The following ZNF778 variants were observed in gnomAD, a reference collection of about 807,000 sequenced individuals.
ZNF778 encodes zinc finger protein 778.
Under a neutral mutation model 23.9 loss-of-function variants are expected in ZNF778, and 37 were observed. The ratio of observed to expected loss-of-function variants is 1.54; its 90% CI spans 1.19 to 2.03. The LOEUF is 2.03. ZNF778 is among the 30% of genes most tolerant of loss of function. ZNF778 has a pLI of 0.00. For missense variants in ZNF778, 1,297 were observed against 934.4 expected (o/e 1.39, Z -5.06); for synonymous variants, 483 against 343.9 (o/e 1.40, Z -4.48).
In ZNF778 at chr16:89,234,182, C is replaced by T. The variant is rs532075184; in HGVS notation, c.*5620C>T. 2.1e-4 allele frequency: 80 copies of T among 387,708 alleles called. No individual in the cohort carries two copies. Among genetic ancestry groups the T allele is most frequent in the African/African-American group, 1.5e-3 (73 of 48,108 alleles). The allele number at this position is 387,708 out of a possible 1,614,324, so 24.0% of individuals were successfully genotyped here. On this transcript the variant is annotated 3_prime_UTR_variant, in exon 7 of 7. Coordinates refer to ENST00000433976, the MANE Select transcript of ZNF778 (RefSeq NM_001201407.2). Reference sequence around the variant, plus strand: ...TCACTCACTCACCTTGACGAGTCCGCGTCTAGGCCCCACCAGTGGTGTGGT... The same window carrying T: ...TCACTCACTCACCTTGACGAGTCCGTGTCTAGGCCCCACCAGTGGTGTGGT...
At chr16:89,218,794 A>T (rs1567493594) in intron 1 of ZNF778, among the ~76,000 whole-genome samples, 3 of 148,938 alleles carry the variant, frequency 2.0e-5, no homozygotes, top group African/African-American at 7.5e-5. Flanking sequence ...CCGTCTCAAA[A>T]AATAATAATA....
In ZNF778 at chr16:89,228,103, C is replaced by T. The variant is rs28638280; in HGVS notation, c.1815C>T (p.Thr605=). The T allele has an allele frequency of 0.9, 1,452,539 of 1,613,858 alleles. 660,174 individuals are homozygous for T. Among genetic ancestry groups the T allele is most frequent in the Non-Finnish European group, 0.93 (1,098,170 of 1,179,900 alleles). ...CATTCACTGTTTCTTCGAGCCTAAC[C>T]GAGCACATACGAACTCACACTGGAG... ...GKTFTVSSSL[T]EHIRTHTGEK... Residue 605 remains threonine (T), a synonymous_variant, in exon 7 of 7, where the codon ACC becomes ACT. Coordinates refer to ENST00000433976, the MANE Select transcript of ZNF778 (RefSeq NM_001201407.2).
chr16:89,225,357 C>A (rs2031379408), intron 5 of ZNF778, among the ~76,000 whole-genome samples, 198 bp from the exon 6 acceptor site: 1 of 151,996 alleles, frequency 6.6e-6, no homozygotes, highest in Admixed American at 6.6e-5. Flanking sequence ...TTTCTGTTCA[C>A]CTCACATTTC....
chr16:89,217,990 T>G (rs921545056), intron 1 of ZNF778, 80 bp downstream of exon 1: 11 of 152,428 alleles, frequency 7.2e-5, no homozygotes, highest in Admixed American at 2.0e-4. Context: ...TTGACGTTTT[T>G]TATTTGTTTC....
Position 89,224,567 on chromosome 16 carries a change from C to G in ZNF778, c.245-152C>G, listed in dbSNP as rs372036943. The G allele has an allele frequency of 5.0e-5, 28 of 555,808 alleles. No individual in the cohort carries two copies. The East Asian group carries it at 8.2e-4, about 16-fold the overall frequency. The allele number at this position is 555,808 out of a possible 1,614,324, so 34.4% of individuals were successfully genotyped here. Reference sequence around the variant, plus strand: ...CCAGGAGGCAGACGTTGCAGTGAGCCGAGATTGCACCACTGCACTCCAGCC... The same window carrying G: ...CCAGGAGGCAGACGTTGCAGTGAGCGGAGATTGCACCACTGCACTCCAGCC... On this transcript the variant is annotated intron_variant, in intron 4 of 6. Coordinates refer to ENST00000433976, the MANE Select transcript of ZNF778 (RefSeq NM_001201407.2).
chr16:89,218,221 T>G (rs898108542), intron 1 of ZNF778: 12 of 152,232 alleles, frequency 7.9e-5, no homozygotes, highest in Non-Finnish European at 1.8e-4. Context: ...TAACTGTATT[T>G]TTTCTCACGT....
In ZNF778 at chr16:89,234,520, T is replaced by C. The variant is rs2032182819; in HGVS notation, c.*5958T>C. On this transcript the variant is annotated 3_prime_UTR_variant, in exon 7 of 7. Coordinates refer to ENST00000433976, the MANE Select transcript of ZNF778 (RefSeq NM_001201407.2). ...CCTGGTTTGTTTGATCTTTGTTCTT[T>C]TTTAGAAATAGTGAGGCTGTTGTGA... 1 of 176,812 alleles carries C rather than the reference T, an allele frequency of 5.7e-6. No individual in the cohort carries two copies. The highest frequency in any genetic ancestry group is 2.4e-5 in the African/African-American group (1 of 41,840). The allele number at this position is 176,812 out of a possible 1,614,324, so 11.0% of individuals were successfully genotyped here. A position where few individuals can be genotyped will look rare whatever the true frequency, so the allele number is the denominator to read the frequency against.
Position 89,227,281 on chromosome 16 carries a change from T to C in ZNF778, c.993T>C (p.His331=). The part of the protein sequence containing the change: ...SSSLTQHVRI[H]AAEKPCECKE... ...GCCTAACTCAACATGTAAGAATTCA[T>C]GCTGCAGAGAAACCCTGTGAATGTA... Residue 331 remains histidine, a synonymous_variant, in exon 7 of 7, where the codon CAT becomes CAC. Coordinates refer to ENST00000433976, the MANE Select transcript of ZNF778 (RefSeq NM_001201407.2). The C allele has an allele frequency of 6.2e-7, 1 of 1,613,960 alleles. No homozygotes were observed. Among genetic ancestry groups the C allele is most frequent in the Middle Eastern group, 1.6e-4 (1 of 6,062 alleles).
In ZNF778 at chr16:89,228,093, C is replaced by T. The variant is rs769533398; in HGVS notation, c.1805C>T (p.Ser602Leu). 26 of 1,612,866 alleles carry T rather than the reference C, an allele frequency of 1.6e-5. No individual in the cohort carries two copies. The highest frequency in any genetic ancestry group is 6.7e-5 in the East Asian group (3 of 44,850). ...KDCGKTFTVSSSLTEHIRTHT... is the reference protein window; with the variant it reads ...KDCGKTFTVSLSLTEHIRTHT... Reference sequence around the variant, plus strand: ...TGTGGGAAAACATTCACTGTTTCTTCGAGCCTAACCGAGCACATACGAACT... The same window carrying T: ...TGTGGGAAAACATTCACTGTTTCTTTGAGCCTAACCGAGCACATACGAACT... The change falls in exon 7 of 7, where the codon TCG becomes TTG. Residue 602 changes from serine to leucine, a missense_variant. Coordinates refer to ENST00000433976, the MANE Select transcript of ZNF778 (RefSeq NM_001201407.2).
chr16:89,228,554 C>G lies in ZNF778; in HGVS notation c.2266C>G (p.Pro756Ala), dbSNP rs1274807179. Reference protein sequence around the residue: ...HHTQIHTDEKPF With the variant: ...HHTQIHTDEKAF Reference sequence around the variant, plus strand: ...CACTCAAATTCACACTGATGAGAAACCTTTCTAATGTAAAGAATGTGGGGA... The same window carrying G: ...CACTCAAATTCACACTGATGAGAAAGCTTTCTAATGTAAAGAATGTGGGGA... Residue 756 changes from proline (P) to alanine (A), a missense_variant, in exon 7 of 7, where the codon CCT becomes GCT. Transcript: ENST00000433976. 1.3e-6 allele frequency: 2 copies of G among 1,576,384 alleles called. No individual in the cohort carries two copies. The highest frequency in any genetic ancestry group is 1.7e-6 in the Non-Finnish European group (2 of 1,165,086).
chr16:89,227,312 T>C lies in ZNF778; in HGVS notation c.1024T>C (p.Cys342Arg). 1 of 1,613,910 alleles carries C rather than the reference T, an allele frequency of 6.2e-7. No individual in the cohort carries two copies. Among genetic ancestry groups the C allele is most frequent in the Non-Finnish European group, 8.5e-7 (1 of 1,179,818 alleles). The change falls in exon 7 of 7, where the codon TGC (cysteine) becomes CGC (arginine). Residue 342 changes from cysteine (C) to arginine (R), a missense_variant. Coordinates refer to ENST00000433976, the MANE Select transcript of ZNF778 (RefSeq NM_001201407.2). Reference sequence around the variant, plus strand: ...AGAGAAACCCTGTGAATGTAAAGAATGCGGAAAAGCCTTCACTGGACTCTC... The same window carrying C: ...AGAGAAACCCTGTGAATGTAAAGAACGCGGAAAAGCCTTCACTGGACTCTC... ...AAEKPCECKE[C>R]GKAFTGLSGL...
At position 89,232,663 on chromosome 16, in the gene ZNF778, G is replaced by C; in HGVS notation, c.*4101G>C. 1 of 1,212,002 alleles carries C rather than the reference G, an allele frequency of 8.3e-7. No homozygotes were observed. The allele number at this position is 1,212,002 out of a possible 1,614,324, so 75.1% of individuals were successfully genotyped here. ...TTATGTTTTTTTTTTTTTTGTTAGG[G>C]TACATTTTCATCCTGGGGTCTTGCT... On this transcript the variant is annotated 3_prime_UTR_variant, in exon 7 of 7. Transcript: ENST00000433976.
Position 89,225,644 on chromosome 16 carries a change from A to C in ZNF778, c.405+13A>C, listed in dbSNP as rs1245973191. On this transcript the variant is annotated intron_variant, in intron 6 of 6. Transcript: ENST00000433976. ...TGAGACACAGACGGTAAGATTAACA[A>C]GAGAGATTTTTTTATTTATCACACT... The C allele has an allele frequency of 3.1e-6, 5 of 1,606,426 alleles. No individual in the cohort carries two copies. In the Middle Eastern group the frequency reaches 4.9e-4, roughly 159 times the overall value.
intron 1 of ZNF778, among the ~76,000 whole-genome samples, chr16:89,219,390 T>A (rs2030695556): frequency 6.6e-6 from 1 of 152,230 alleles, no homozygotes; most frequent in African/African-American, 2.4e-5. Context: ...AGAGGAGAGG[T>A]TGGCAAAGGG....
At chr16:89,226,096 G>T (rs1160372012) in intron 6 of ZNF778, among the ~76,000 whole-genome samples, 1 of 151,728 alleles carries the variant, frequency 6.6e-6, no homozygotes, top group African/African-American at 2.4e-5. Context: ...ATTTTTAGTA[G>T]AGACGGGGTT....
At chr16:89,222,060 T>G in intron 2 of ZNF778, 32 bp from the exon 3 acceptor site, 1 of 1,525,364 alleles carries the variant, frequency 6.6e-7, no homozygotes, top group Non-Finnish European at 9.0e-7. Context: ...AGCTCTGGGT[T>G]CTCATGCCTT....
Position 89,232,424 on chromosome 16 carries a change from C to A in ZNF778, c.*3862C>A. ...CCACAGCCTCAGATATGTAGCAACA[C>A]AGACAGACTAAGACACCAAGCATGA... On this transcript the variant is annotated 3_prime_UTR_variant, in exon 7 of 7. Coordinates refer to ENST00000433976, the MANE Select transcript of ZNF778 (RefSeq NM_001201407.2). 6.0e-6 allele frequency: 2 copies of A among 333,798 alleles called. No homozygotes were observed. The highest frequency in any genetic ancestry group is 1.1e-5 in the Non-Finnish European group (2 of 177,208). 20.7% of individuals were successfully genotyped at this position (333,798 alleles called of 1,614,324 possible). A position where few individuals can be genotyped will look rare whatever the true frequency, so the allele number is the denominator to read the frequency against.
chr16:89,226,778 G>C lies in ZNF778; in HGVS notation c.490G>C (p.Val164Leu). 6.2e-7 allele frequency: 1 copy of C among 1,613,974 alleles called. No individual in the cohort carries two copies. The highest frequency in any genetic ancestry group is 8.5e-7 in the Non-Finnish European group (1 of 1,179,894). ...FSEHSGLSTHVRTQNTGDSCV... is the reference protein window; with the variant it reads ...FSEHSGLSTHLRTQNTGDSCV... Reference sequence around the variant, plus strand: ...TGAACACTCAGGCCTCAGCACACACGTGAGAACTCAAAATACAGGAGACAG... The same window carrying C: ...TGAACACTCAGGCCTCAGCACACACCTGAGAACTCAAAATACAGGAGACAG... Residue 164 changes from valine (V) to leucine (L), a missense_variant, in exon 7 of 7, where the codon GTG (valine) becomes CTG (leucine). Val to Leu is a conservative substitution (Grantham distance 32). Coordinates refer to ENST00000433976, the MANE Select transcript of ZNF778 (RefSeq NM_001201407.2).
chr16:89,226,658 G>A, intron 6 of ZNF778, 36 bp from the exon 7 acceptor site: 1 of 1,559,140 alleles, frequency 6.4e-7, no homozygotes, highest in Non-Finnish European at 8.7e-7. Flanking sequence ...ATCAGCCTCA[G>A]TAACCCCCTG....
Sources: allele counts gnomAD v4.1 joint callset (sites outside exome capture counted in the v4.1 genomes callset), GRCh38; gene constraint gnomAD v4.1.1; transcripts MANE v1.5; gene names NCBI Gene and HGNC (gene_info 2026-07-23, HGNC 2026-07-21).